Variants in EPHA6 observed in about 807,000 individuals in gnomAD.
The protein encoded by EPHA6 is ephrin type-A receptor 6.
In EPHA6, 50 loss-of-function variants were observed where a neutral mutation model predicts 112.0. The ratio of observed to expected loss-of-function variants is 0.45; its 90% confidence interval spans 0.36 to 0.56. EPHA6 has a LOEUF of 0.56. Ranked by LOEUF, EPHA6 falls within the 20% of genes least tolerant of loss-of-function variation. EPHA6 has a pLI of 0.00. For synonymous variants in EPHA6, 529 were observed against 490.7 expected, an observed-to-expected ratio of 1.08 and a Z score of -1.03; for missense variants, 1,280 against 1,417.4, an observed-to-expected ratio of 0.90 and a Z score of 1.56.
At chr3:97,465,080 A>G (rs984968025) in intron 7 of EPHA6, among the ~76,000 whole-genome samples, 7 of 152,134 alleles carry the variant, frequency 4.6e-5, no homozygotes, top group African/African-American at 1.4e-4. Flanking sequence ...TGAAGATACT[A>G]GTTAAAAATT....
chr3:97,457,341 G>T (rs1280253646), intron 7 of EPHA6, among the ~76,000 whole-genome samples: 2 of 152,094 alleles, frequency 1.3e-5, no homozygotes, highest in Non-Finnish European at 2.9e-5. Context: ...TTGGCCTTTG[G>T]GAAGTCACAG....
At chr3:97,169,788 A>T (rs1036019304) in intron 3 of EPHA6, among the ~76,000 whole-genome samples, 7 of 152,158 alleles carry the variant, frequency 4.6e-5, no homozygotes, top group Non-Finnish European at 7.4e-5. Context: ...CACTACTAAA[A>T]GTAAAATTTG....
chr3:97,242,979 C>T (rs933925085), intron 4 of EPHA6, among the ~76,000 whole-genome samples: 1 of 151,724 alleles, frequency 6.6e-6, no homozygotes, highest in Non-Finnish European at 1.5e-5. Context: ...TCCTAGAAGA[C>T]ATTCAGGTAA....
At chr3:97,633,858 T>C (rs2093924341) in intron 13 of EPHA6, among the ~76,000 whole-genome samples, 1 of 152,076 alleles carries the variant, frequency 6.6e-6, no homozygotes, top group Non-Finnish European at 1.5e-5. Flanking sequence ...TGTAGAGAAA[T>C]AGATTTGTGC....
chr3:97,243,172 G>A (rs1461573781), intron 4 of EPHA6, among the ~76,000 whole-genome samples: 4 of 151,800 alleles, frequency 2.6e-5, no homozygotes, highest in Non-Finnish European at 5.9e-5. Flanking sequence ...GGTTTTCGAG[G>A]TCTTTATGAC....
rs539713754 is a variant in EPHA6, at chr3:96,853,989, A to G, written c.386-12836A>G. On this transcript the variant is annotated intron_variant, in intron 1 of 17. Coordinates refer to ENST00000389672, the MANE Select transcript of EPHA6 (RefSeq NM_001080448.3). Reference sequence around the variant, plus strand: ...TATAGTTGCTTTATAAGAACTCTTCAGAGCCAGAATACTTAAAGTATTCTG... The same window carrying G: ...TATAGTTGCTTTATAAGAACTCTTCGGAGCCAGAATACTTAAAGTATTCTG... Among the ~76,000 whole-genome samples the G allele has an allele frequency of 8.5e-5, 13 of 152,124 alleles. No individual in the cohort carries two copies. The South Asian group carries it at 2.5e-3, about 29-fold the overall frequency.
chr3:97,182,206 T>C lies in EPHA6; in HGVS notation c.1115-44058T>C, dbSNP rs192850789. Among the ~76,000 whole-genome samples the C allele has an allele frequency of 1.4e-4, 21 of 152,016 alleles. No homozygotes were observed. The East Asian group carries it at 4.1e-3, about 29-fold the overall frequency. On this transcript the variant is annotated intron_variant, in intron 3 of 17. Coordinates refer to ENST00000389672, the MANE Select transcript of EPHA6 (RefSeq NM_001080448.3). ...TCTATTTCCTATAACTAAAATGATA[T>C]TAACTATCATTTCTAGTTTGTTCTC... is the stretch of plus-strand genomic sequence containing the variant.
intron 2 of EPHA6, among the ~76,000 whole-genome samples, chr3:96,981,072 A>G (rs2042751116): frequency 6.6e-6 from 1 of 152,182 alleles, no homozygotes; most frequent in African/African-American, 2.4e-5. Context: ...CCCTGGCCAG[A>G]ACTTCCAACA....
intron 2 of EPHA6, among the ~76,000 whole-genome samples, chr3:96,872,060 C>T (rs181866044): frequency 6.6e-6 from 1 of 152,220 alleles, no homozygotes; most frequent in African/African-American, 2.4e-5. Context: ...ATAATTCTTA[C>T]ATTTCTTCAT....
intron 3 of EPHA6, among the ~76,000 whole-genome samples, chr3:96,994,483 A>G (rs1267878073): frequency 6.6e-6 from 1 of 152,008 alleles, no homozygotes; most frequent in Non-Finnish European, 1.5e-5. Context: ...GTCTAGGACT[A>G]TTTTAGCACT....
chr3:97,665,122 T>G (rs1332724304), intron 14 of EPHA6, among the ~76,000 whole-genome samples: 3 of 152,074 alleles, frequency 2.0e-5, no homozygotes, highest in African/African-American at 7.2e-5. Flanking sequence ...AAAACAGAGA[T>G]ACAGACCAAT....
At chr3:97,498,508 T>A (rs1382091814) in intron 10 of EPHA6, among the ~76,000 whole-genome samples, 1 of 151,902 alleles carries the variant, frequency 6.6e-6, no homozygotes, top group African/African-American at 2.4e-5. Context: ...GGGAAGAGAG[T>A]TAAATTTTAT....
chr3:97,129,737 AG>A (rs2048286978), intron 3 of EPHA6, among the ~76,000 whole-genome samples: 1 of 152,106 alleles, frequency 6.6e-6, no homozygotes, highest in Non-Finnish European at 1.5e-5. Flanking sequence ...ATAGGCAAGG[AG>A]CAGCAGGGTT....
chr3:97,309,176 T>C (rs2081443626), intron 5 of EPHA6, among the ~76,000 whole-genome samples: 2 of 145,338 alleles, frequency 1.4e-5, no homozygotes, highest in South Asian at 4.2e-4. Flanking sequence ...TGTAAAACAA[T>C]TTTTAATATT....
At chr3:97,021,486 G>T (rs1442358049) in intron 3 of EPHA6, among the ~76,000 whole-genome samples, 1 of 152,124 alleles carries the variant, frequency 6.6e-6, no homozygotes, top group African/African-American at 2.4e-5. Context: ...TCTGTCTTAA[G>T]TATCTCCTCT....
chr3:97,664,941 C>T (rs1370912721), intron 14 of EPHA6, among the ~76,000 whole-genome samples: 3 of 152,218 alleles, frequency 2.0e-5, no homozygotes, highest in Non-Finnish European at 4.4e-5. Flanking sequence ...CTACCAATGA[C>T]TTTCTTCACA....
chr3:97,731,523 G>T (rs1474985560), intron 15 of EPHA6, among the ~76,000 whole-genome samples: 1 of 152,020 alleles, frequency 6.6e-6, no homozygotes, highest in Non-Finnish European at 1.5e-5. Flanking sequence ...ACTCAGGACA[G>T]ATTTCTCTAC....
intron 17 of EPHA6, among the ~76,000 whole-genome samples, chr3:97,748,239 A>G (rs2035796762): frequency 6.6e-6 from 1 of 152,090 alleles, no homozygotes; most frequent in Admixed American, 6.6e-5. Context: ...ATCATTACCT[A>G]AATTATATAG....
chr3:97,377,795 G>A (rs2085457756), intron 5 of EPHA6, among the ~76,000 whole-genome samples: 1 of 152,146 alleles, frequency 6.6e-6, no homozygotes, highest in African/African-American at 2.4e-5. Context: ...AGATGATTTA[G>A]GGTATCTGGC....
Sources: allele counts gnomAD v4.1 joint callset (sites outside exome capture counted in the v4.1 genomes callset), GRCh38; gene constraint gnomAD v4.1.1; transcripts MANE v1.5; gene names NCBI Gene and HGNC (gene_info 2026-07-23, HGNC 2026-07-21).